The following ZNF184 variants were observed in gnomAD, a reference collection of about 807,000 sequenced individuals.
ZNF184 encodes the protein zinc finger protein 184.
A neutral mutation model predicts 54.4 loss-of-function variants in ZNF184; 16 were observed. The ratio of observed to expected loss-of-function variants is 0.29; its 90% CI spans 0.20 to 0.45. ZNF184 has a LOEUF of 0.45. Among genes scored for constraint, ZNF184 ranks in the 20% least tolerant of loss-of-function variants. The pLI is 1.00. For synonymous variants in ZNF184, 254 were observed against 295.3 expected (o/e 0.86, Z 1.43); for missense variants, 681 against 888.2 (o/e 0.77, Z 2.97).
Position 27,457,323 on chromosome 6 carries a change from C to T in ZNF184, c.162G>A (p.Arg54=), listed in dbSNP as rs1762881982. Residue 54 remains arginine, a synonymous_variant, in exon 4 of 6, where the codon AGG becomes AGA. Transcript: ENST00000683788. ...GTGTATAATTTTCCAATGTCACATCCCTGAACAAATCTCTCTGGCCAGGGT... is the reference window on the plus strand; with the variant it reads ...GTGTATAATTTTCCAATGTCACATCTCTGAACAAATCTCTCTGGCCAGGGT... ...QLDPGQRDLF[R]DVTLENYTHL... 17 of 1,613,920 alleles carry T rather than the reference C, an allele frequency of 1.1e-5. No individual in the cohort carries two copies. The highest frequency in any genetic ancestry group is 1.4e-5 in the Non-Finnish European group (16 of 1,179,976).
At chr6:27,424,815 G>A in the ZNF184 span, among the ~76,000 whole-genome samples, 1 of 151,928 alleles carries the variant, frequency 6.6e-6, no homozygotes, top group Non-Finnish European at 1.5e-5. Context: ...CCAGTCCCGC[G>A]CAGTGCGCCC....
the ZNF184 span, chr6:27,407,879 G>A: frequency 2.4e-6 from 2 of 830,448 alleles, no homozygotes; most frequent in Non-Finnish European, 4.3e-6. Flanking sequence ...GGAGTGAACA[G>A]GCACCACTAA....
the ZNF184 span, among the ~76,000 whole-genome samples, chr6:27,434,186 T>TTG: frequency 3.7e-4 from 56 of 152,252 alleles, 1 homozygote; most frequent in East Asian, 9.8e-3. Context: ...CTTTTGGGTA[T>TTG]ATACCAAGAC....
At chr6:27,463,344 A>T (rs962516731) in intron 3 of ZNF184, among the ~76,000 whole-genome samples, 45 of 152,012 alleles carry the variant, frequency 3.0e-4, no homozygotes, top group African/African-American at 1.0e-3. Context: ...TTTGAGATTT[A>T]AAAAAATTCA....
chr6:27,472,386 GTCTAAC>G lies in ZNF184; in HGVS notation c.-98_-93del. On this transcript the variant is annotated 5_prime_UTR_variant, in exon 2 of 6. Coordinates refer to ENST00000683788, the MANE Select transcript of ZNF184 (RefSeq NM_001318891.2). The surrounding 1 kb of genome is among the most constrained non-coding windows in gnomAD (Gnocchi z 4.8). ...TGGTATCTCGGTCTAGGACTCAGAT[GTCTAAC>G]TCCCCTTGCAGGGAATCTGCAACAC... The G allele has an allele frequency of 6.5e-7, 1 of 1,538,126 alleles. No homozygotes were observed. Among genetic ancestry groups the G allele is most frequent in the Non-Finnish European group, 9.0e-7 (1 of 1,115,148 alleles).
chr6:27,437,480 T>A, the ZNF184 span, among the ~76,000 whole-genome samples: 1 of 152,200 alleles, frequency 6.6e-6, no homozygotes, highest in East Asian at 1.9e-4. Flanking sequence ...TGGAAGCAGA[T>A]TCTTCTACAG....
chr6:27,429,052 T>C, the ZNF184 span, among the ~76,000 whole-genome samples: 3 of 152,332 alleles, frequency 2.0e-5, no homozygotes, highest in East Asian at 1.9e-4. Context: ...GACTGGATAC[T>C]GGAAGAATAA....
the ZNF184 span, among the ~76,000 whole-genome samples, chr6:27,442,916 C>G: frequency 6.6e-6 from 1 of 150,568 alleles, no homozygotes; most frequent in African/African-American, 2.4e-5. Flanking sequence ...AAGAAAAGAG[C>G]CCATCATTAT....
In ZNF184 at chr6:27,462,918, T is replaced by C. The variant is rs369521861; in HGVS notation, c.75+4935A>G. 6.8e-5 allele frequency among the ~76,000 whole-genome samples: 10 copies of C among 147,282 alleles called. No homozygotes were observed. The East Asian group carries it at 8.2e-4, about 12-fold the overall frequency. On this transcript the variant is annotated intron_variant, in intron 3 of 5. Transcript: ENST00000683788. ...CAGAGAAGCAGGAAAATATAACCCA[T>C]AATAAAGAGAAAAGTCAATCAACTG...
chr6:27,424,373 G>C, the ZNF184 span, among the ~76,000 whole-genome samples: 5 of 152,198 alleles, frequency 3.3e-5, no homozygotes, highest in African/African-American at 1.2e-4. Context: ...AGCCGACAGA[G>C]TTGCCACTGC....
At chr6:27,441,143 C>T in the ZNF184 span, among the ~76,000 whole-genome samples, 1 of 152,128 alleles carries the variant, frequency 6.6e-6, no homozygotes, top group Admixed American at 6.5e-5. Flanking sequence ...ATAGCATTAC[C>T]TTTGGTGATT....
the ZNF184 span, among the ~76,000 whole-genome samples, chr6:27,416,822 T>G: frequency 2.0e-5 from 3 of 152,256 alleles, no homozygotes; most frequent in African/African-American, 7.2e-5. Context: ...TGAATTTGTC[T>G]TATTTAAGCC....
At chr6:27,456,776 G>A in intron 5 of ZNF184, 50 bp downstream of exon 5, 1 of 1,486,664 alleles carries the variant, frequency 6.7e-7, no homozygotes, top group South Asian at 1.2e-5. Flanking sequence ...TCTCTTATCA[G>A]GCTGACAGTC....
the ZNF184 span, chr6:27,404,244 A>G: frequency 6.6e-6 from 1 of 152,218 alleles, no homozygotes; most frequent in Non-Finnish European, 1.5e-5. Context: ...GGAAAAAAAT[A>G]TGTCCATTCT....
chr6:27,432,180 AG>A, the ZNF184 span, among the ~76,000 whole-genome samples: 1 of 152,174 alleles, frequency 6.6e-6, no homozygotes, highest in Non-Finnish European at 1.5e-5. This position sits in a 1 kb window ranked among gnomAD's most constrained non-coding sequence, Gnocchi z 4.0. Flanking sequence ...GAAAGGAAGA[AG>A]GGTTGGCTTG....
chr6:27,412,979 G>A, the ZNF184 span, among the ~76,000 whole-genome samples: 2 of 152,260 alleles, frequency 1.3e-5, no homozygotes, highest in Admixed American at 6.5e-5. Context: ...GCTCATGCCT[G>A]TAATCCCAGC....
At chr6:27,448,593 C>T (rs545001345), downstream of ZNF184, among the ~76,000 whole-genome samples, 1 of 152,300 alleles carries the variant, frequency 6.6e-6, no homozygotes, top group South Asian at 2.1e-4. Flanking sequence ...CCTACCCTCA[C>T]TTATTACAAT....
At chr6:27,456,172 T>C (rs1380142106) in intron 5 of ZNF184, among the ~76,000 whole-genome samples, 4 of 151,770 alleles carry the variant, frequency 2.6e-5, no homozygotes, top group Non-Finnish European at 5.9e-5. Flanking sequence ...GTGGGAGGAT[T>C]ACTCAAGCCT....
Position 27,451,542 on chromosome 6 carries a change from T to G in ZNF184, c.2017A>C (p.Asn673His), listed in dbSNP as rs761275584. The G allele has an allele frequency of 1.9e-6, 3 of 1,614,158 alleles. No individual in the cohort carries two copies. The South Asian group carries it at 3.3e-5, about 18-fold the overall frequency. The change falls in exon 6 of 6, where the codon AAT becomes CAT. Residue 673 changes from asparagine to histidine, a missense_variant. Transcript: ENST00000683788. ...CGGCTAAAGGCTTTGTCACATTCAT[T>G]GCACTTATAGGGCTTCTCCCCAGTG... ...IHTGEKPYKCNECDKAFSRST... is the reference protein window; with the variant it reads ...IHTGEKPYKCHECDKAFSRST...
Sources: allele counts gnomAD v4.1 joint callset (sites outside exome capture counted in the v4.1 genomes callset), GRCh38; gene constraint gnomAD v4.1.1; non-coding constraint Gnocchi (gnomAD v3.1); transcripts MANE v1.5; gene names NCBI Gene and HGNC (gene_info 2026-07-23, HGNC 2026-07-21).